HOMER1: variants seen among roughly 807,000 people sequenced by gnomAD.
The protein encoded by HOMER1 is homer protein homolog 1.
HOMER1 carries 3 observed loss-of-function variants against 48.9 expected under a neutral mutation model. That is an observed-to-expected ratio of 0.06 (90% CI 0.03 to 0.16). HOMER1 has a LOEUF of 0.16. HOMER1 is among the 10% of genes least tolerant of loss of function. The pLI, the probability that HOMER1 is intolerant of heterozygous loss-of-function variation, is 1.00. For synonymous variants in HOMER1, 134 were observed against 146.4 expected, an observed-to-expected ratio of 0.92 and a Z score of 0.61; for missense variants, 247 against 411.4, an observed-to-expected ratio of 0.60 and a Z score of 3.46.
At chr5:79,505,906 T>C (rs902997662) in intron 1 of HOMER1, among the ~76,000 whole-genome samples, 5 of 152,154 alleles carry the variant, frequency 3.3e-5, no homozygotes, top group Non-Finnish European at 5.9e-5. Context: ...GTTAGTTCTA[T>C]GTATAAAATT....
chr5:79,413,149 G>A (rs1269030987), intron 5 of HOMER1, among the ~76,000 whole-genome samples: 1 of 152,126 alleles, frequency 6.6e-6, no homozygotes, highest in Non-Finnish European at 1.5e-5. Context: ...AGGAACCTGT[G>A]GGAAATACTA....
intron 5 of HOMER1, among the ~76,000 whole-genome samples, chr5:79,421,191 T>A (rs1268515283): frequency 1.3e-5 from 2 of 152,244 alleles, no homozygotes; most frequent in African/African-American, 2.4e-5. Flanking sequence ...TTTGAAGCTA[T>A]GTTACAAGTT....
Position 79,451,000 on chromosome 5 carries a change from T to C in HOMER1, c.284A>G (p.His95Arg), listed in dbSNP as rs1050952721. 1 of 1,613,260 alleles carries C rather than the reference T, an allele frequency of 6.2e-7. No homozygotes were observed. Among genetic ancestry groups the C allele is most frequent in the Non-Finnish European group, 8.5e-7 (1 of 1,179,444 alleles). ...TATGATTTAACTCACTTTCGAAAGA[T>C]GATGCTCAGAGGAGAATCCCAATCC... ...VYGLGFSSEH[H>R]LSKFAEKFQE... The change falls in exon 3 of 9, where the codon CAT becomes CGT. Residue 95 changes from histidine to arginine, a missense_variant. His to Arg is a conservative substitution (Grantham distance 29). This residue lies in a region of HOMER1 where 94 missense variants were observed against 112.4 expected (regional missense o/e 0.84). Coordinates refer to ENST00000334082, the MANE Select transcript of HOMER1 (RefSeq NM_004272.5).
At chr5:79,457,752 C>T (rs1025275687) in intron 1 of HOMER1, among the ~76,000 whole-genome samples, 2 of 152,144 alleles carry the variant, frequency 1.3e-5, no homozygotes, top group Non-Finnish European at 2.9e-5. Context: ...AGGAACATGA[C>T]ACAGTATTTT....
intron 5 of HOMER1, among the ~76,000 whole-genome samples, 197 bp from the exon 6 acceptor site, chr5:79,402,252 G>A (rs1273368753): frequency 6.7e-6 from 1 of 150,218 alleles, no homozygotes; most frequent in Non-Finnish European, 1.5e-5. Context: ...TGCAACCTCC[G>A]CCTCCTGGGT....
At chr5:79,510,471 C>G (rs1225020319) in intron 1 of HOMER1, 10 of 691,458 alleles carry the variant, frequency 1.4e-5, no homozygotes, top group Non-Finnish European at 2.7e-5. Context: ...CACAACCAGT[C>G]CCAAAAATGG....
At chr5:79,399,470 G>A (rs1221784749) in intron 6 of HOMER1, among the ~76,000 whole-genome samples, 1 of 152,126 alleles carries the variant, frequency 6.6e-6, no homozygotes, top group East Asian at 1.9e-4. Context: ...TAAATTAGAG[G>A]GCCTTGGTAA....
chr5:79,494,292 C>T (rs996532588), intron 1 of HOMER1, among the ~76,000 whole-genome samples: 4 of 152,158 alleles, frequency 2.6e-5, no homozygotes, highest in Admixed American at 2.6e-4. Flanking sequence ...CAATAATATC[C>T]AACTATAAAG....
At chr5:79,445,954 C>A (rs1011048561) in intron 4 of HOMER1, among the ~76,000 whole-genome samples, 1 of 152,010 alleles carries the variant, frequency 6.6e-6, no homozygotes, top group African/African-American at 2.4e-5. Flanking sequence ...TAAAACAAAC[C>A]CTATTGTTTG....
intron 1 of HOMER1, among the ~76,000 whole-genome samples, chr5:79,483,910 C>T (rs372051621): frequency 3.3e-5 from 5 of 151,270 alleles, no homozygotes; most frequent in East Asian, 1.9e-4. Flanking sequence ...CAAAATTAGC[C>T]GGGTGTGGTG....
chr5:79,459,418 A>C (rs915506936), intron 1 of HOMER1, among the ~76,000 whole-genome samples: 1 of 152,216 alleles, frequency 6.6e-6, no homozygotes, highest in Non-Finnish European at 1.5e-5. Context: ...ATGCCATTTG[A>C]ATATCAACTA....
intron 2 of HOMER1, among the ~76,000 whole-genome samples, chr5:79,456,326 G>A (rs1001532654): frequency 6.6e-6 from 1 of 152,126 alleles, no homozygotes; most frequent in Non-Finnish European, 1.5e-5. Flanking sequence ...CTCAGTAGAT[G>A]GTGGAGTTGA....
chr5:79,436,485 C>T (rs1470181030), intron 5 of HOMER1, among the ~76,000 whole-genome samples: 1 of 152,208 alleles, frequency 6.6e-6, no homozygotes, highest in Non-Finnish European at 1.5e-5. Context: ...CACCTAACCT[C>T]TGGGATTTAG....
chr5:79,381,123 T>C (rs1748959590), intron 8 of HOMER1, among the ~76,000 whole-genome samples: 1 of 152,174 alleles, frequency 6.6e-6, no homozygotes, highest in Non-Finnish European at 1.5e-5. Flanking sequence ...CTTGGCCCAC[T>C]GGTACCACCA....
At chr5:79,379,670 C>T (rs1748914456) in intron 8 of HOMER1, among the ~76,000 whole-genome samples, 1 of 151,082 alleles carries the variant, frequency 6.6e-6, no homozygotes, top group Non-Finnish European at 1.5e-5. Flanking sequence ...GTCTCAAACT[C>T]CTGGGCTCAA....
intron 1 of HOMER1, among the ~76,000 whole-genome samples, chr5:79,500,432 G>C (rs1752545021): frequency 6.6e-6 from 1 of 152,130 alleles, no homozygotes; most frequent in South Asian, 2.1e-4. Flanking sequence ...AAAGGTAGCA[G>C]ATGAGTTCCC....
chr5:79,376,086 A>T lies in HOMER1; in HGVS notation c.988T>A (p.Leu330Ile). 1 of 1,613,706 alleles carries T rather than the reference A, an allele frequency of 6.2e-7. No individual in the cohort carries two copies. The highest frequency in any genetic ancestry group is 8.5e-7 in the Non-Finnish European group (1 of 1,179,750). The change falls in exon 9 of 9, where the codon TTA becomes ATA. Residue 330 changes from leucine (L) to isoleucine (I), a missense_variant. Physicochemically the swap from Leu to Ile is conservative, Grantham distance 5 (BLOSUM62 2). Around this residue, in one of 4 missense-constraint regions of HOMER1, gnomAD observed 113 missense variants for 152.5 expected, o/e 0.74. Transcript: ENST00000334082. ...AATATCTTTCCATCCAGAATTTCTA[A>T]GAGTGTCTTCAGGTTATTGCGAAAA... ...EAFRNNLKTLLEILDGKIFEL... is the reference protein window; with the variant it reads ...EAFRNNLKTLIEILDGKIFEL...
At chr5:79,377,920 T>C (rs6891537) in intron 8 of HOMER1, among the ~76,000 whole-genome samples, 40,426 of 152,084 alleles carry the variant, frequency 0.27, 8,030 homozygotes, top group African/African-American at 0.54. Context: ...TTTTTCACAA[T>C]GTAAAAATTA....
intron 1 of HOMER1, among the ~76,000 whole-genome samples, chr5:79,507,485 G>A (rs1015271797): frequency 3.9e-5 from 6 of 151,900 alleles, no homozygotes; most frequent in African/African-American, 1.5e-4. Flanking sequence ...TTACAAATAT[G>A]CAACACAAAA....
Sources: allele counts gnomAD v4.1 joint callset (sites outside exome capture counted in the v4.1 genomes callset), GRCh38; gene constraint gnomAD v4.1.1; regional missense constraint gnomAD v4.1.1; transcripts MANE v1.5; gene names NCBI Gene and HGNC (gene_info 2026-07-23, HGNC 2026-07-21).